The following MSL2 variants were observed in gnomAD, a reference collection of about 807,000 sequenced individuals.
MSL2 encodes E3 ubiquitin-protein ligase MSL2.
A neutral mutation model predicts 35.8 loss-of-function variants in MSL2; 2 were observed. The ratio of observed to expected loss-of-function variants is 0.06; its 90% CI spans 0.02 to 0.18. MSL2 has a LOEUF of 0.18. Among genes scored for constraint, MSL2 ranks in the 10% least tolerant of loss-of-function variants. The probability of loss-of-function intolerance (pLI) is 1.00; values close to 1 mark genes in which losing one functional copy is unlikely to be tolerated. For missense variants in MSL2, 523 were observed against 706.7 expected, an observed-to-expected ratio of 0.74 and a Z score of 2.95; for synonymous variants, 296 against 255.7, an observed-to-expected ratio of 1.16 and a Z score of -1.50.
chr3:136,160,303 GAA>G (rs1939665843), intron 1 of MSL2, among the ~76,000 whole-genome samples: 1 of 81,532 alleles, frequency 1.2e-5, no homozygotes, highest in Non-Finnish European at 2.3e-5. Flanking sequence ...AAAAAAGAGG[GAA>G]GGAAGGAGGG....
chr3:136,179,879 A>C (rs1940287310), intron 1 of MSL2, among the ~76,000 whole-genome samples: 1 of 152,130 alleles, frequency 6.6e-6, no homozygotes, highest in African/African-American at 2.4e-5. Flanking sequence ...CAGCCTGGCC[A>C]ACACGGTGAA....
Position 136,151,099 on chromosome 3 carries a change from A to G in MSL2, c.*48T>C. The G allele has an allele frequency of 6.3e-7, 1 of 1,575,170 alleles. No homozygotes were observed. Among genetic ancestry groups the G allele is most frequent in the East Asian group, 2.3e-5 (1 of 44,378 alleles). ...ACCAACAGAACCATAGCTGCCGTAA[A>G]ACTGTAGCTATTTCCCTACCAGGAG... On this transcript the variant is annotated 3_prime_UTR_variant, in exon 2 of 2. Coordinates refer to ENST00000309993, the MANE Select transcript of MSL2 (RefSeq NM_018133.4). This position sits in a 1 kb window ranked among gnomAD's most constrained non-coding sequence, Gnocchi z 5.2.
At chr3:136,175,447 A>G (rs1940146768) in intron 1 of MSL2, among the ~76,000 whole-genome samples, 1 of 151,874 alleles carries the variant, frequency 6.6e-6, no homozygotes, top group African/African-American at 2.4e-5. Context: ...GCATTTTGGG[A>G]GGCTGGGGCA....
chr3:136,178,084 A>G (rs1218974487), intron 1 of MSL2, among the ~76,000 whole-genome samples: 1 of 152,190 alleles, frequency 6.6e-6, no homozygotes, highest in Non-Finnish European at 1.5e-5. Context: ...TATATGTATA[A>G]CCACTCAGAC....
At chr3:136,164,215 T>C (rs912164087) in intron 1 of MSL2, among the ~76,000 whole-genome samples, 7 of 152,180 alleles carry the variant, frequency 4.6e-5, no homozygotes, top group Admixed American at 3.3e-4. Flanking sequence ...CATGGAGAAG[T>C]TTCTCCTCAC....
intron 1 of MSL2, among the ~76,000 whole-genome samples, chr3:136,167,476 C>T (rs1044563892): frequency 6.6e-6 from 1 of 152,130 alleles, no homozygotes; most frequent in African/African-American, 2.4e-5. Flanking sequence ...TCTGTATTTA[C>T]CACCAGCCTC....
intron 1 of MSL2, among the ~76,000 whole-genome samples, chr3:136,184,125 C>T (rs765833708): frequency 7.2e-5 from 11 of 151,830 alleles, no homozygotes; most frequent in South Asian, 4.2e-4. Flanking sequence ...GAAACCCCGT[C>T]TCTACTAAAA....
chr3:136,168,658 G>A (rs2108073964), intron 1 of MSL2, among the ~76,000 whole-genome samples: 1 of 152,122 alleles, frequency 6.6e-6, no homozygotes. Context: ...ATACCTCGAT[G>A]ACCGGTTGAT....
At position 136,151,898 on chromosome 3, in the gene MSL2, C is replaced by G; in HGVS notation, c.983G>C (p.Cys328Ser). The change falls in exon 2 of 2, where the codon TGT becomes TCT. Residue 328 changes from cysteine (C) to serine (S), a missense_variant. Around this residue, in one of 5 missense-constraint regions of MSL2, gnomAD observed 361 missense variants for 414.6 expected, o/e 0.87. Transcript: ENST00000309993. The surrounding 1 kb of genome is among the most constrained non-coding windows in gnomAD (Gnocchi z 5.2). ...TGCTATCTTCGGAGTTGCTGCTGTA[C>G]ATGATAACCCATGAAGTGCAGGACT... is the stretch of plus-strand genomic sequence containing the variant. ...STSPALHGLS[C>S]TAATPKIAKL... is the part of the protein sequence containing the mutation. 1 of 1,614,150 alleles carries G rather than the reference C, an allele frequency of 6.2e-7. No homozygotes were observed. Among genetic ancestry groups the G allele is most frequent in the Non-Finnish European group, 8.5e-7 (1 of 1,180,038 alleles).
intron 1 of MSL2, among the ~76,000 whole-genome samples, chr3:136,163,366 ATGTG>A (rs899035420): frequency 2.6e-5 from 4 of 152,176 alleles, no homozygotes; most frequent in African/African-American, 4.8e-5. Flanking sequence ...TCCTAGCACT[ATGTG>A]TGTGTGTATT....
intron 1 of MSL2, among the ~76,000 whole-genome samples, chr3:136,183,405 T>G (rs1432764056): frequency 1.3e-5 from 2 of 151,874 alleles, no homozygotes; most frequent in African/African-American, 4.8e-5. Context: ...TATGAAAAAT[T>G]TTTAAAATGA....
chr3:136,195,849 G>C lies in MSL2; in HGVS notation c.-736C>G, dbSNP rs1357308421. The stretch of plus-strand genomic sequence containing the variant: ...GGGGAAGGCCGGGGAGGAAGTGCGC[G>C]GGCCGCCGCCGGCGGGCGGGAGGGG... On this transcript the variant is annotated 5_prime_UTR_variant, in exon 1 of 2. Transcript: ENST00000309993. The C allele has an allele frequency of 1.0e-6, 1 of 983,034 alleles. No individual in the cohort carries two copies. Among genetic ancestry groups the C allele is most frequent in the East Asian group, 1.1e-4 (1 of 8,780 alleles). The allele number at this position is 983,034 out of a possible 1,614,324, so 60.9% of individuals were successfully genotyped here. A position where few individuals can be genotyped will look rare whatever the true frequency, so the allele number is the denominator to read the frequency against.
chr3:136,186,420 G>C (rs1380887397), intron 1 of MSL2, among the ~76,000 whole-genome samples: 2 of 152,176 alleles, frequency 1.3e-5, no homozygotes, highest in East Asian at 1.9e-4. Flanking sequence ...TTATGGACAG[G>C]CTCCGGTCCT....
chr3:136,191,775 T>C (rs1044807173), intron 1 of MSL2, among the ~76,000 whole-genome samples: 3 of 152,130 alleles, frequency 2.0e-5, no homozygotes, highest in Non-Finnish European at 4.4e-5. Context: ...CCTGTTTCAA[T>C]AAAAAGTTTT....
At chr3:136,153,921 A>C (rs1939445052) in intron 1 of MSL2, among the ~76,000 whole-genome samples, 1 of 151,870 alleles carries the variant, frequency 6.6e-6, no homozygotes, top group African/African-American at 2.4e-5. Context: ...TGTCTCTACT[A>C]AAAACGCAAA....
chr3:136,158,473 A>G (rs1370586261), intron 1 of MSL2, among the ~76,000 whole-genome samples: 1 of 152,154 alleles, frequency 6.6e-6, no homozygotes, highest in East Asian at 1.9e-4. Flanking sequence ...CTTTAACTTG[A>G]TGGTGGTGGG....
rs187121967 is a variant in MSL2, at chr3:136,150,158, T to A, written c.*989A>T. The A allele has an allele frequency of 6.6e-6, 1 of 152,626 alleles. No homozygotes were observed. The highest frequency in any genetic ancestry group is 1.9e-4 in the East Asian group (1 of 5,184). The allele number at this position is 152,626 out of a possible 1,614,324, so 9.5% of individuals were successfully genotyped here. ...AAAAGGCATTCTTATTAGGCCTCTATAAAGAAGCCTTCATAATGAACAGCA... is the reference window on the plus strand; with the variant it reads ...AAAAGGCATTCTTATTAGGCCTCTAAAAAGAAGCCTTCATAATGAACAGCA... On this transcript the variant is annotated 3_prime_UTR_variant, in exon 2 of 2. Transcript: ENST00000309993.
chr3:136,177,355 A>G (rs1240995498), intron 1 of MSL2, among the ~76,000 whole-genome samples: 1 of 152,178 alleles, frequency 6.6e-6, no homozygotes. Flanking sequence ...AATAATTAAT[A>G]TGGCAGATGT....
chr3:136,191,245 G>C (rs1051442798), intron 1 of MSL2, among the ~76,000 whole-genome samples: 2 of 152,084 alleles, frequency 1.3e-5, no homozygotes, highest in Non-Finnish European at 1.5e-5. Flanking sequence ...AAGGCGGGCG[G>C]ATCACAAGGT....
Sources: gnomAD v4.1 joint callset for allele counts (sites outside exome capture counted in the v4.1 genomes callset) on GRCh38, gnomAD v4.1.1 for gene constraint, gnomAD v4.1.1 regional missense constraint, Gnocchi (gnomAD v3.1) non-coding constraint, MANE v1.5 for transcripts, NCBI Gene and HGNC (gene_info 2026-07-23, HGNC 2026-07-21) for gene names.